NRXN1: variants seen among roughly 807,000 people sequenced by gnomAD.
NRXN1 encodes the protein neurexin 1, also known as neurexin-1.
Under a neutral mutation model 150.9 loss-of-function variants are expected in NRXN1, and 39 were observed. The ratio of observed to expected loss-of-function variants is 0.26; its 90% confidence interval spans 0.20 to 0.34. The LOEUF (loss-of-function observed/expected upper bound fraction) is 0.34, where lower values mean the gene tolerates loss of function less well. Among genes scored for constraint, NRXN1 ranks in the 10% least tolerant of loss-of-function variants. The probability of loss-of-function intolerance (pLI) is 1.00; values close to 1 mark genes in which losing one functional copy is unlikely to be tolerated. For synonymous variants in NRXN1, 924 were observed against 757.0 expected (o/e 1.22, Z -3.62); for missense variants, 1,815 against 1,949.9 (o/e 0.93, Z 1.30).
chr2:50,422,289 T>C (rs2084059196), intron 17 of NRXN1, among the ~76,000 whole-genome samples: 1 of 152,050 alleles, frequency 6.6e-6, no homozygotes, highest in Non-Finnish European at 1.5e-5. Flanking sequence ...AAAACACCAG[T>C]TTGTGTCCCC....
At chr2:49,966,632 AG>A (rs1677010478) in intron 21 of NRXN1, 1 of 152,112 alleles carries the variant, frequency 6.6e-6, no homozygotes, top group South Asian at 2.1e-4. Flanking sequence ...TAAGCCATTA[AG>A]TCTTCACCAG....
rs568023559 is a variant in NRXN1 at position 50,435,015 on chromosome 2, T to G, written c.3364+30427A>C. Among the ~76,000 whole-genome samples, 5 of 152,256 alleles carry G rather than the reference T, an allele frequency of 3.3e-5. No individual in the cohort carries two copies. The South Asian group carries it at 1.0e-3, about 32-fold the overall frequency. The stretch of plus-strand genomic sequence containing the variant: ...GCACTTTAGAAATATAAGCACCTAT[T>G]TTTTTTCAAAATGCAAATAACATAT... On this transcript the variant is annotated intron_variant, in intron 17 of 22. Transcript: ENST00000401669.
At chr2:50,739,581 A>C (rs1699184961) in intron 5 of NRXN1, among the ~76,000 whole-genome samples, 1 of 152,182 alleles carries the variant, frequency 6.6e-6, no homozygotes, top group South Asian at 2.1e-4. Context: ...CTTACTAAAT[A>C]AAACAAGCTT....
chr2:50,732,055 T>C (rs1426652256), intron 5 of NRXN1, among the ~76,000 whole-genome samples: 3 of 152,214 alleles, frequency 2.0e-5, no homozygotes, highest in Non-Finnish European at 4.4e-5. Context: ...CACATATATA[T>C]GTACGTGACC....
intron 5 of NRXN1, among the ~76,000 whole-genome samples, chr2:50,796,982 A>G (rs769356834): frequency 6.6e-6 from 1 of 152,132 alleles, no homozygotes; most frequent in Non-Finnish European, 1.5e-5. Flanking sequence ...AGAAGGGAGG[A>G]CACTGTGTCC....
chr2:50,225,478 C>T (rs944211687), intron 18 of NRXN1, among the ~76,000 whole-genome samples: 4 of 151,734 alleles, frequency 2.6e-5, no homozygotes, highest in African/African-American at 9.7e-5. Context: ...GTTATAACTA[C>T]AGTAAGTAAC....
chr2:50,851,627 T>A (rs1411003237), intron 5 of NRXN1, among the ~76,000 whole-genome samples: 2 of 152,124 alleles, frequency 1.3e-5, no homozygotes, highest in Admixed American at 6.5e-5. Flanking sequence ...TCAGAAAATT[T>A]GCAATTGAGT....
At chr2:50,915,887 A>C (rs1685147994) in intron 5 of NRXN1, among the ~76,000 whole-genome samples, 1 of 150,390 alleles carries the variant, frequency 6.6e-6, no homozygotes, top group Non-Finnish European at 1.5e-5. Context: ...ACAGATCATA[A>C]GGTTTTGATA....
intron 21 of NRXN1, among the ~76,000 whole-genome samples, chr2:49,985,458 T>C (rs1460187086): frequency 6.6e-6 from 1 of 152,172 alleles, no homozygotes; most frequent in African/African-American, 2.4e-5. Context: ...GAAAAGACGC[T>C]ACTATGTTTT....
At chr2:50,160,967 T>C (rs2059329833) in intron 18 of NRXN1, among the ~76,000 whole-genome samples, 1 of 152,176 alleles carries the variant, frequency 6.6e-6, no homozygotes, top group Non-Finnish European at 1.5e-5. Flanking sequence ...ATATGGTGTG[T>C]ATGATTATCT....
At chr2:50,282,199 C>G (rs570233009) in intron 17 of NRXN1, among the ~76,000 whole-genome samples, 4 of 152,078 alleles carry the variant, frequency 2.6e-5, no homozygotes, top group African/African-American at 9.7e-5. Flanking sequence ...TCATAAAGAG[C>G]TTTATATGCC....
intron 5 of NRXN1, among the ~76,000 whole-genome samples, chr2:50,695,753 C>T (rs1692735919): frequency 1.3e-5 from 2 of 151,802 alleles, no homozygotes; most frequent in South Asian, 4.2e-4. Context: ...GCTTTTTATC[C>T]ATATGACTTT....
At chr2:50,443,225 G>C (rs985761173) in intron 17 of NRXN1, among the ~76,000 whole-genome samples, 1 of 152,060 alleles carries the variant, frequency 6.6e-6, no homozygotes, top group South Asian at 2.1e-4. Context: ...GGGGGGGAGA[G>C]AAATAACAGA....
intron 19 of NRXN1, among the ~76,000 whole-genome samples, chr2:50,090,247 G>A (rs1699380484): frequency 6.6e-6 from 1 of 152,126 alleles, no homozygotes; most frequent in South Asian, 2.1e-4. Context: ...TTGTGAGTCA[G>A]TACTTGGGAT....
chr2:50,381,920 A>G (rs1299424358), intron 17 of NRXN1, among the ~76,000 whole-genome samples: 1 of 152,110 alleles, frequency 6.6e-6, no homozygotes, highest in Non-Finnish European at 1.5e-5. Flanking sequence ...ATGATTTAAG[A>G]TGGGTCTTTA....
chr2:50,242,954 G>C (rs533020553), intron 17 of NRXN1, among the ~76,000 whole-genome samples: 1 of 151,568 alleles, frequency 6.6e-6, no homozygotes, highest in Non-Finnish European at 1.5e-5. Flanking sequence ...CAATCAGGTC[G>C]AAACAAAAAA....
At chr2:50,448,970 C>G (rs1391494798) in intron 17 of NRXN1, among the ~76,000 whole-genome samples, 4 of 152,108 alleles carry the variant, frequency 2.6e-5, no homozygotes, top group African/African-American at 9.7e-5. Flanking sequence ...TTTTCATGAA[C>G]GCCAAATGAC....
At chr2:50,126,193 A>G (rs1437320225) in intron 18 of NRXN1, among the ~76,000 whole-genome samples, 1 of 152,156 alleles carries the variant, frequency 6.6e-6, no homozygotes, top group Non-Finnish European at 1.5e-5. Context: ...GATATTAGGC[A>G]TGCAGCGCAT....
In NRXN1 at chr2:50,957,139, C is replaced by T. The variant is rs1010046355; in HGVS notation, c.773-31184G>A. 2.0e-5 allele frequency among the ~76,000 whole-genome samples: 3 copies of T among 152,106 alleles called. No homozygotes were observed. The South Asian group carries it at 6.2e-4, about 32-fold the overall frequency. On this transcript the variant is annotated intron_variant, in intron 2 of 22. Coordinates refer to ENST00000401669, the MANE Select transcript of NRXN1 (RefSeq NM_001330078.2). ...AATACTCTTTTCTCAAGATTTGTGC[C>T]CTTGGGTAAATCCCTATTCCATGAT...
Sources: allele counts gnomAD v4.1 joint callset (sites outside exome capture counted in the v4.1 genomes callset), GRCh38; gene constraint gnomAD v4.1.1; transcripts MANE v1.5; gene names NCBI Gene and HGNC (gene_info 2026-07-23, HGNC 2026-07-21).